CSMD1: variants seen among roughly 807,000 people sequenced by gnomAD.
The protein encoded by CSMD1 is CUB and Sushi multiple domains 1.
A neutral mutation model predicts 417.5 loss-of-function variants in CSMD1; 213 were observed. The ratio of observed to expected loss-of-function variants is 0.51; its 90% CI spans 0.46 to 0.57. The LOEUF is 0.57. Among genes scored for constraint, CSMD1 ranks in the 20% least tolerant of loss-of-function variants. The pLI, the probability that CSMD1 is intolerant of heterozygous loss-of-function variation, is 0.00. For missense variants in CSMD1, 6,923 were observed against 4,529.7 expected, an observed-to-expected ratio of 1.53 and a Z score of -15.17; for synonymous variants, 2,862 against 1,736.8, an observed-to-expected ratio of 1.65 and a Z score of -16.11.
chr8:3,242,009 C>G (rs1286539454), intron 26 of CSMD1, among the ~76,000 whole-genome samples: 3 of 77,308 alleles, frequency 3.9e-5, no homozygotes, highest in African/African-American at 1.2e-4. Context: ...TAAAGCGTCT[C>G]AGGTTTGCTG....
chr8:4,116,229 G>A (rs779797432), intron 3 of CSMD1, among the ~76,000 whole-genome samples: 35 of 152,118 alleles, frequency 2.3e-4, no homozygotes, highest in African/African-American at 7.0e-4. Context: ...CCTGACCTCA[G>A]GTGATCCACA....
At chr8:3,726,657 G>T (rs566468168) in intron 6 of CSMD1, among the ~76,000 whole-genome samples, 1 of 152,276 alleles carries the variant, frequency 6.6e-6, no homozygotes, top group South Asian at 2.1e-4. Flanking sequence ...CATCATACAG[G>T]TGACATCAGT....
At chr8:3,755,006 A>C (rs533693784) in intron 5 of CSMD1, among the ~76,000 whole-genome samples, 238 of 152,356 alleles carry the variant, frequency 1.6e-3, no homozygotes, top group African/African-American at 5.6e-3. Context: ...TTTCTGGTTA[A>C]GCTGTTTAAA....
intron 4 of CSMD1, among the ~76,000 whole-genome samples, chr8:4,025,817 C>T (rs1375428781): frequency 6.6e-6 from 1 of 152,062 alleles, no homozygotes; most frequent in Non-Finnish European, 1.5e-5. Flanking sequence ...TGATTTAGTT[C>T]TGTTAATTAT....
rs770263348 is a variant in CSMD1 at position 3,172,641 on chromosome 8, A to C, written c.5725+8469T>G. On this transcript the variant is annotated intron_variant, in intron 37 of 69. Coordinates refer to ENST00000635120, the MANE Select transcript of CSMD1 (RefSeq NM_033225.6). ...TTGGTGGTGCACGTAGGGAACCTAC[A>C]GGACACTTAAGGGGGGCAGAGAAGG... Among the ~76,000 whole-genome samples, 3 of 152,194 alleles carry C rather than the reference A, an allele frequency of 2.0e-5. No individual in the cohort carries two copies. In the South Asian group the frequency reaches 6.2e-4, roughly 31 times the overall value.
At chr8:4,556,139 G>C (rs1185554615) in intron 2 of CSMD1, among the ~76,000 whole-genome samples, 2 of 152,108 alleles carry the variant, frequency 1.3e-5, no homozygotes, top group African/African-American at 2.4e-5. Flanking sequence ...GATTTAATAA[G>C]TATGCTATGC....
At chr8:4,333,917 G>C (rs1222043878) in intron 3 of CSMD1, among the ~76,000 whole-genome samples, 1 of 151,994 alleles carries the variant, frequency 6.6e-6, no homozygotes, top group Non-Finnish European at 1.5e-5. Flanking sequence ...TTTGAGAAAA[G>C]TTCTCACTCT....
chr8:4,261,552 A>G (rs928036935), intron 3 of CSMD1, among the ~76,000 whole-genome samples: 1 of 152,084 alleles, frequency 6.6e-6, no homozygotes, highest in African/African-American at 2.4e-5. Flanking sequence ...GTAAGAGTAG[A>G]TCTTTTTATT....
At chr8:3,667,002 A>G (rs1415278546) in intron 7 of CSMD1, among the ~76,000 whole-genome samples, 4 of 152,146 alleles carry the variant, frequency 2.6e-5, no homozygotes, top group African/African-American at 9.7e-5. Context: ...AAAGATAACT[A>G]TGGCACAACC....
chr8:3,758,023 G>C (rs1797761368), intron 5 of CSMD1, among the ~76,000 whole-genome samples: 1 of 151,546 alleles, frequency 6.6e-6, no homozygotes, highest in Non-Finnish European at 1.5e-5. Context: ...GACTGCACTG[G>C]CACAATCTCA....
chr8:4,604,092 A>T (rs1800740395), intron 2 of CSMD1, among the ~76,000 whole-genome samples: 1 of 152,052 alleles, frequency 6.6e-6, no homozygotes, highest in Non-Finnish European at 1.5e-5. Context: ...TCATAGACAG[A>T]TAAACAATTT....
intron 3 of CSMD1, among the ~76,000 whole-genome samples, chr8:4,254,353 G>C (rs896483944): frequency 2.6e-5 from 4 of 152,136 alleles, no homozygotes; most frequent in Non-Finnish European, 5.9e-5. Context: ...TGCTTGTATA[G>C]GGAAGTACAG....
intron 23 of CSMD1, among the ~76,000 whole-genome samples, chr8:3,342,177 A>C (rs1807701347): frequency 6.6e-6 from 1 of 152,136 alleles, no homozygotes; most frequent in African/African-American, 2.4e-5. Flanking sequence ...TTTCAGCCAC[A>C]CTTATTCTAT....
At chr8:3,589,780 G>T (rs896009404) in intron 8 of CSMD1, among the ~76,000 whole-genome samples, 6 of 152,110 alleles carry the variant, frequency 3.9e-5, no homozygotes, top group Non-Finnish European at 7.4e-5. Context: ...ACAAATATGT[G>T]AAGTAATGGG....
At chr8:3,076,779 C>A (rs1004251615) in intron 49 of CSMD1, among the ~76,000 whole-genome samples, 1 of 152,156 alleles carries the variant, frequency 6.6e-6, no homozygotes, top group Non-Finnish European at 1.5e-5. Context: ...CCAGGCTTTG[C>A]GCAAAATGCT....
chr8:3,816,888 T>G, intron 5 of CSMD1, among the ~76,000 whole-genome samples: 1 of 152,292 alleles, frequency 6.6e-6, no homozygotes, highest in African/African-American at 2.4e-5. Flanking sequence ...TATATTTCAC[T>G]TTCCACACCT....
At chr8:3,351,545 C>T (rs528227814) in intron 21 of CSMD1, among the ~76,000 whole-genome samples, 5 of 149,364 alleles carry the variant, frequency 3.3e-5, no homozygotes, top group East Asian at 4.0e-4. Flanking sequence ...TACAGTGAGC[C>T]GAGACCACCC....
Position 3,409,616 on chromosome 8 carries a change from A to T in CSMD1, c.1562-11T>A. 1 of 1,567,514 alleles carries T rather than the reference A, an allele frequency of 6.4e-7. No homozygotes were observed. Among genetic ancestry groups the T allele is most frequent in the South Asian group, 1.2e-5 (1 of 85,818 alleles). On this transcript the variant is annotated splice_polypyrimidine_tract_variant and intron_variant, in intron 12 of 69. Coordinates refer to ENST00000635120, the MANE Select transcript of CSMD1 (RefSeq NM_033225.6). ...CTCCCTTTTCAATTTCTGAAAATGG[A>T]AAAACAAATGAACCCTTAAAAAAAC...
intron 3 of CSMD1, among the ~76,000 whole-genome samples, chr8:4,400,220 G>A (rs904351374): frequency 6.6e-6 from 1 of 152,204 alleles, no homozygotes; most frequent in Admixed American, 6.5e-5. Flanking sequence ...AAGCTTGGAA[G>A]TTGCAAACTT....
Sources: gnomAD v4.1 joint callset for allele counts (sites outside exome capture counted in the v4.1 genomes callset) on GRCh38, gnomAD v4.1.1 for gene constraint, MANE v1.5 for transcripts, NCBI Gene and HGNC (gene_info 2026-07-23, HGNC 2026-07-21) for gene names.